The following VMA22 variants were observed in gnomAD, a reference collection of about 807,000 sequenced individuals.
VMA22 encodes vacuolar ATPase assembly factor VMA22.
the VMA22 span, chr2:130,341,913 G>A: frequency 6.2e-7 from 1 of 1,609,372 alleles, no homozygotes. Flanking sequence ...GGCGCCCATC[G>A]CGTAGCGAGC....
chr2:130,341,924 C>G, the VMA22 span: 6 of 1,613,578 alleles, frequency 3.7e-6, no homozygotes, highest in Non-Finnish European at 5.1e-6. Context: ...CGTAGCGAGC[C>G]TTGGCGAGCG....
the VMA22 span, chr2:130,339,483 A>C: frequency 1.5e-6 from 2 of 1,370,280 alleles, no homozygotes; most frequent in South Asian, 3.0e-5. Context: ...AGGAACTAAA[A>C]ATTCACAGAT....
At chr2:130,341,801 G>GGGCCGCCCCC in the VMA22 span, 1 of 1,378,140 alleles carries the variant, frequency 7.3e-7, no homozygotes, top group Non-Finnish European at 9.9e-7. Flanking sequence ...CCTAGAACGC[G>GGGCCGCCCCC]CCCGCCCGCC....
At chr2:130,342,103 G>C in the VMA22 span, 2 of 1,613,464 alleles carry the variant, frequency 1.2e-6, no homozygotes, top group Non-Finnish European at 1.7e-6. Context: ...ATCCAGCTCC[G>C]CTCGCAGGTC....
the VMA22 span, chr2:130,339,538 TACA>T: frequency 7.8e-7 from 1 of 1,275,140 alleles, no homozygotes; most frequent in African/African-American, 1.5e-5. Flanking sequence ...CCCCCATTAT[TACA>T]GCATCTCTCT....
the VMA22 span, chr2:130,341,770 A>T: frequency 6.2e-7 from 1 of 1,608,968 alleles, no homozygotes; most frequent in Non-Finnish European, 8.5e-7. Context: ...AGAAGGGAGG[A>T]TGGAGCTTTG....
At chr2:130,342,615 C>T in the VMA22 span, 3 of 468,194 alleles carry the variant, frequency 6.4e-6, no homozygotes, top group East Asian at 1.0e-4. Context: ...CTGAAAACTG[C>T]ATTCTGCACG....
the VMA22 span, chr2:130,341,639 G>A: frequency 6.3e-7 from 1 of 1,577,248 alleles, no homozygotes; most frequent in Non-Finnish European, 8.7e-7. Flanking sequence ...ACTGGGAAGG[G>A]GTTCTGCAGA....
At chr2:130,342,273 T>G in the VMA22 span, 1 of 1,490,350 alleles carries the variant, frequency 6.7e-7, no homozygotes, top group South Asian at 1.2e-5. Context: ...CTGGGTCAGC[T>G]TCTTTAAGGG....
chr2:130,342,008 C>T, the VMA22 span: 3 of 1,613,730 alleles, frequency 1.9e-6, no homozygotes, highest in African/African-American at 1.3e-5. Flanking sequence ...CCGCCCCAGG[C>T]GCCTACCTCC....
the VMA22 span, chr2:130,339,270 G>C: frequency 6.4e-7 from 1 of 1,568,342 alleles, no homozygotes; most frequent in Non-Finnish European, 8.8e-7. Context: ...GGTATCTGTA[G>C]TGTAACACAC....
At chr2:130,340,801 C>T in the VMA22 span, 2 of 1,399,990 alleles carry the variant, frequency 1.4e-6, no homozygotes, top group Non-Finnish European at 2.0e-6. Context: ...GGAGGAAAAC[C>T]TGCAAAGCCT....
At chr2:130,341,414 C>T in the VMA22 span, 1 of 559,920 alleles carries the variant, frequency 1.8e-6, no homozygotes, top group Non-Finnish European at 3.2e-6. Context: ...TAGCTAGACA[C>T]ACAGATAAAT....
the VMA22 span, chr2:130,339,494 A>G: frequency 7.4e-7 from 1 of 1,356,890 alleles, no homozygotes; most frequent in Non-Finnish European, 9.6e-7. Context: ...ATTCACAGAT[A>G]GTAATACCAT....
At chr2:130,340,785 T>C in the VMA22 span, 150 of 1,230,320 alleles carry the variant, frequency 1.2e-4, no homozygotes, top group South Asian at 5.6e-4. Flanking sequence ...CAACGGAAGT[T>C]TGGATGGAGG....
chr2:130,340,593 A>T, the VMA22 span: 1 of 376,412 alleles, frequency 2.7e-6, no homozygotes, highest in East Asian at 6.8e-5. Flanking sequence ...TGTTTTTCAT[A>T]ACAATTTTCA....
the VMA22 span, chr2:130,339,674 G>C: frequency 7.7e-7 from 1 of 1,304,354 alleles, no homozygotes; most frequent in South Asian, 1.2e-5. Context: ...GGCAGCTCTC[G>C]TCTTCGGCCT....
the VMA22 span, chr2:130,339,246 G>A: frequency 6.2e-7 from 1 of 1,608,572 alleles, no homozygotes; most frequent in South Asian, 1.1e-5. Context: ...GAGGAAAGGA[G>A]AGAAGGTCAC....
chr2:130,339,277 A>G, the VMA22 span: 14 of 1,552,086 alleles, frequency 9.0e-6, no homozygotes, highest in Non-Finnish European at 1.2e-5. Flanking sequence ...GTAGTGTAAC[A>G]CACGACCCAG....
Sources: gnomAD v4.1 joint callset for allele counts on GRCh38, gnomAD v4.1.1 for gene constraint, MANE v1.5 for transcripts, NCBI Gene and HGNC (gene_info 2026-07-23, HGNC 2026-07-21) for gene names.